NOMO1: variants seen among roughly 807,000 people sequenced by gnomAD.
NOMO1 encodes the protein NODAL modulator 1, also known as nodal modulator 3.
In NOMO1, 40 loss-of-function variants were observed where a neutral mutation model predicts 133.8. The observed-to-expected ratio is 0.30, with a 90% CI of 0.23 to 0.39. The LOEUF (loss-of-function observed/expected upper bound fraction) is 0.39, where lower values mean the gene tolerates loss of function less well. NOMO1 is among the 10% of genes least tolerant of loss of function. The probability of loss-of-function intolerance (pLI) is 1.00; values close to 1 mark genes in which losing one functional copy is unlikely to be tolerated. For missense variants in NOMO1, 462 were observed against 1,419.9 expected, an observed-to-expected ratio of 0.33 and a Z score of 10.84; for synonymous variants, 236 against 570.5, an observed-to-expected ratio of 0.41 and a Z score of 8.36.
chr16:14,859,732 A>G (rs1469528489), intron 11 of NOMO1, among the ~76,000 whole-genome samples: 1 of 152,120 alleles, frequency 6.6e-6, no homozygotes, highest in Non-Finnish European at 1.5e-5. Flanking sequence ...AAATAAAATA[A>G]CAAGATTTTA....
chr16:14,845,080 G>C (rs1348504607), intron 4 of NOMO1, among the ~76,000 whole-genome samples: 1 of 151,830 alleles, frequency 6.6e-6, no homozygotes, highest in Non-Finnish European at 1.5e-5. Flanking sequence ...GGAGTGCAGT[G>C]GTGCAATCTT....
chr16:14,871,412 C>T (rs1222956349), intron 16 of NOMO1, among the ~76,000 whole-genome samples: 7 of 152,060 alleles, frequency 4.6e-5, no homozygotes, highest in Admixed American at 3.3e-4. Flanking sequence ...CGCCTGTGAT[C>T]GCGCCATTGC....
chr16:14,893,374 C>T lies in NOMO1; in HGVS notation c.3445-1624C>T, dbSNP rs1292960396. Reference sequence around the variant, plus strand: ...GGCTAATTTTGTATTTTTATAGAGACGGGGTTTCACCATGCTGGCCAGGCT... The same window carrying T: ...GGCTAATTTTGTATTTTTATAGAGATGGGGTTTCACCATGCTGGCCAGGCT... On this transcript the variant is annotated intron_variant, in intron 29 of 30. Transcript: ENST00000287667. 1.1e-4 allele frequency among the ~76,000 whole-genome samples: 16 copies of T among 151,514 alleles called. No homozygotes were observed. In the East Asian group the frequency reaches 1.2e-3, roughly 11 times the overall value.
chr16:14,840,604 A>G (rs1296345050), intron 2 of NOMO1, among the ~76,000 whole-genome samples: 1 of 150,860 alleles, frequency 6.6e-6, no homozygotes, highest in Admixed American at 6.6e-5. Context: ...AAAAACTAAA[A>G]CAAAAACAAA....
chr16:14,883,786 G>C (rs1333581638), intron 26 of NOMO1, among the ~76,000 whole-genome samples: 1 of 151,242 alleles, frequency 6.6e-6, no homozygotes, highest in Admixed American at 6.6e-5. Context: ...GTATGAAAGG[G>C]AAGGGGGCCG....
intron 3 of NOMO1, among the ~76,000 whole-genome samples, chr16:14,842,057 C>G (rs1963611042): frequency 1.3e-5 from 2 of 151,980 alleles, no homozygotes; most frequent in Non-Finnish European, 2.9e-5. Flanking sequence ...TGCACACATC[C>G]CAAACAAAAG....
At chr16:14,860,110 C>T (rs1963900215) in intron 11 of NOMO1, among the ~76,000 whole-genome samples, 1 of 151,636 alleles carries the variant, frequency 6.6e-6, no homozygotes, top group African/African-American at 2.4e-5. Flanking sequence ...TGGCTCACGC[C>T]TATGATCTCA....
chr16:14,894,916 G>C, intron 29 of NOMO1, 82 bp from the exon 30 acceptor site: 2 of 1,608,914 alleles, frequency 1.2e-6, no homozygotes, highest in South Asian at 1.1e-5. Flanking sequence ...TGGAAGGCTG[G>C]GTGGGTGGTG....
intron 11 of NOMO1, among the ~76,000 whole-genome samples, chr16:14,859,143 G>A (rs1245551207): frequency 6.6e-6 from 1 of 151,920 alleles, no homozygotes; most frequent in African/African-American, 2.4e-5. Flanking sequence ...GGTGGCCCAG[G>A]GGGGACCTAG....
At chr16:14,839,500 A>G (rs1425994411) in intron 2 of NOMO1, among the ~76,000 whole-genome samples, 1 of 151,956 alleles carries the variant, frequency 6.6e-6, no homozygotes, top group Non-Finnish European at 1.5e-5. Flanking sequence ...ACACCTCTAT[A>G]CAATCCCATC....
Position 14,885,603 on chromosome 16 carries a change from G to A in NOMO1, c.3222+1121G>A, listed in dbSNP as rs1052356378. ...TAGTCCACTCTGTTCAGGGCTTGCA[G>A]GCGTGTGCTTGTAGGGACCAGGCAG... On this transcript the variant is annotated intron_variant, in intron 27 of 30. Coordinates refer to ENST00000287667, the MANE Select transcript of NOMO1 (RefSeq NM_014287.4). Among the ~76,000 whole-genome samples the A allele has an allele frequency of 5.7e-4, 86 of 151,822 alleles. 1 individual carries two copies. The highest frequency in any genetic ancestry group is 2.0e-3 in the African/African-American group (83 of 41,188).
At chr16:14,861,761 C>T (rs1173146095) in intron 11 of NOMO1, among the ~76,000 whole-genome samples, 3 of 150,708 alleles carry the variant, frequency 2.0e-5, no homozygotes, top group African/African-American at 7.3e-5. Context: ...GGGCAGAGCG[C>T]AACACAACTA....
chr16:14,878,959 T>C (rs1432277787), intron 23 of NOMO1, 125 bp downstream of exon 23: 16 of 1,183,148 alleles, frequency 1.4e-5, no homozygotes, highest in Non-Finnish European at 2.0e-5. Context: ...GGTTTCAGTT[T>C]CTTGGGGGCC....
intron 22 of NOMO1, among the ~76,000 whole-genome samples, chr16:14,877,607 T>A (rs1407153314): frequency 7.2e-5 from 11 of 152,082 alleles, no homozygotes; most frequent in African/African-American, 2.7e-4. Context: ...GAACAAAGAT[T>A]ATGAAAAGGA....
chr16:14,860,788 G>T (rs111424230), intron 11 of NOMO1, among the ~76,000 whole-genome samples: 1 of 151,944 alleles, frequency 6.6e-6, no homozygotes. Flanking sequence ...AAAAATCTCT[G>T]TTTTTTAATT....
rs551353574 is a variant in NOMO1, at chr16:14,893,156, T to A, written c.3445-1842T>A. ...GCCTGGGACCTGAGCCTAGACTGAATCACTCTAATTCCTGCTGAATTAAAC... is the reference window on the plus strand; with the variant it reads ...GCCTGGGACCTGAGCCTAGACTGAAACACTCTAATTCCTGCTGAATTAAAC... On this transcript the variant is annotated intron_variant, in intron 29 of 30. Transcript: ENST00000287667. Among the ~76,000 whole-genome samples the A allele has an allele frequency of 1.7e-4, 26 of 151,298 alleles. No individual in the cohort carries two copies. The South Asian group carries it at 4.2e-3, about 24-fold the overall frequency.
rs770374322 is a variant in NOMO1 at position 14,866,539 on chromosome 16, G to A, written c.1670-16G>A. ...CTCCACGCCCATGTATCCGTTTTTG[G>A]TGTTTGCTTTTGCAGTAAGCATCAT... On this transcript the variant is annotated splice_polypyrimidine_tract_variant and intron_variant, in intron 14 of 30. Coordinates refer to ENST00000287667, the MANE Select transcript of NOMO1 (RefSeq NM_014287.4). 21 of 1,610,176 alleles carry A rather than the reference G, an allele frequency of 1.3e-5. No individual in the cohort carries two copies. The highest frequency in any genetic ancestry group is 1.7e-5 in the Admixed American group (1 of 59,956).
chr16:14,868,934 T>A (rs1388074250), intron 16 of NOMO1, among the ~76,000 whole-genome samples: 2 of 150,954 alleles, frequency 1.3e-5, no homozygotes, highest in Non-Finnish European at 3.0e-5. Context: ...TCTTTCTCAT[T>A]TTTTTTTCTC....
intron 6 of NOMO1, among the ~76,000 whole-genome samples, chr16:14,851,015 T>G (rs1428744783): frequency 2.6e-4 from 35 of 135,944 alleles, no homozygotes; most frequent in South Asian, 7.4e-4. Context: ...ACCTGGGAGG[T>G]GGAGGTAGCA....
Sources: gnomAD v4.1 joint callset for allele counts (sites outside exome capture counted in the v4.1 genomes callset) on GRCh38, gnomAD v4.1.1 for gene constraint, MANE v1.5 for transcripts, NCBI Gene and HGNC (gene_info 2026-07-23, HGNC 2026-07-21) for gene names.